Variants in TAF1 observed in about 807,000 individuals in gnomAD.
TAF1 encodes transcription initiation factor TFIID subunit 1.
In TAF1, 2 loss-of-function variants were observed where a neutral mutation model predicts 138.5. The observed-to-expected ratio is 0.01, with a 90% confidence interval of 0.01 to 0.05. TAF1 has a LOEUF of 0.05. Among genes scored for constraint, TAF1 ranks in the 10% least tolerant of loss-of-function variants. The pLI is 1.00. For missense variants in TAF1, 709 were observed against 1,478.0 expected, an observed-to-expected ratio of 0.48 and a Z score of 8.53; for synonymous variants, 437 against 503.2, an observed-to-expected ratio of 0.87 and a Z score of 1.76.
At chrX:71,388,067 T>C (rs2034345899) in intron 15 of TAF1, among the ~76,000 whole-genome samples, 170 bp from the exon 16 acceptor site, 1 of 112,482 alleles carries the variant, frequency 8.9e-6, no homozygotes, top group African/African-American at 3.2e-5. Flanking sequence ...GGCACTGCAC[T>C]CTACTCTGGG....
intron 17 of TAF1, 63 bp downstream of exon 17, chrX:71,388,931 C>T (rs1432617183): frequency 2.7e-6 from 3 of 1,112,473 alleles, no homozygotes; most frequent in South Asian, 4.4e-5. Flanking sequence ...TTTTCTTCCC[C>T]CCAGAGAGAT....
chrX:71,459,591 G>C lies in TAF1; in HGVS notation c.5104G>C (p.Glu1702Gln). ...DGDGDLADEEEGTVQQPQASV... is the reference protein window; with the variant it reads ...DGDGDLADEEQGTVQQPQASV... Reference sequence around the variant, plus strand: ...AGATGGTGATCTTGCAGATGAAGAGGAAGGAACTGTACAACAGCCTCAAGC... The same window carrying C: ...AGATGGTGATCTTGCAGATGAAGAGCAAGGAACTGTACAACAGCCTCAAGC... Residue 1702 changes from glutamate to glutamine, a missense_variant, in exon 36 of 38, where the codon GAA becomes CAA. By Grantham distance (29) the Glu-to-Gln change is conservative. Around this residue, in one of 14 missense-constraint regions of TAF1, gnomAD observed 123 missense variants for 174.7 expected, o/e 0.70. Coordinates refer to ENST00000423759, the MANE Select transcript of TAF1 (RefSeq NM_004606.5). 1 of 1,211,212 alleles carries C rather than the reference G, an allele frequency of 8.3e-7. No homozygotes were observed. Among genetic ancestry groups the C allele is most frequent in the Non-Finnish European group, 1.1e-6 (1 of 895,373 alleles).
chrX:71,396,535 T>A lies in TAF1; in HGVS notation c.3407-718T>A, dbSNP rs1248308513. ...TCAAACTCCTGGGCTCAAGTGATCC[T>A]CCCACCTTAGCCTCCCCAAATGCTG... On this transcript the variant is annotated intron_variant, in intron 22 of 37. Coordinates refer to ENST00000423759, the MANE Select transcript of TAF1 (RefSeq NM_004606.5). Among the ~76,000 whole-genome samples the A allele has an allele frequency of 3.6e-5, 4 of 110,157 alleles. No individual in the cohort carries two copies. The East Asian group carries it at 1.2e-3, about 32-fold the overall frequency.
intron 13 of TAF1, 110 bp downstream of exon 13, chrX:71,384,245 G>A: frequency 1.1e-6 from 1 of 880,589 alleles, no homozygotes; most frequent in Non-Finnish European, 1.6e-6. Flanking sequence ...GAGACAAACT[G>A]CAAACTTACA....
chrX:71,510,915 C>A (rs1249981369), intron 13 of TAF1, among the ~76,000 whole-genome samples: 1 of 110,756 alleles, frequency 9.0e-6, no homozygotes, highest in Non-Finnish European at 1.9e-5. Flanking sequence ...ACCAGCCTGA[C>A]CAACATGGAG....
intron 13 of TAF1, among the ~76,000 whole-genome samples, chrX:71,524,597 C>G (rs1472146899): frequency 9.2e-6 from 1 of 108,180 alleles, no homozygotes; most frequent in Non-Finnish European, 1.9e-5. Flanking sequence ...GTAGTCCCAG[C>G]TACTTGGGAG....
At chrX:71,427,820 TCC>T (rs947772306) in intron 32 of TAF1, among the ~76,000 whole-genome samples, 1 of 105,789 alleles carries the variant, frequency 9.5e-6, no homozygotes, top group African/African-American at 3.4e-5. Flanking sequence ...GTGCCTGTAA[TCC>T]CAGCTACTCA....
At chrX:71,503,328 GTATATA>G (rs758040656) in intron 13 of TAF1, among the ~76,000 whole-genome samples, 1 of 88,814 alleles carries the variant, frequency 1.1e-5, no homozygotes, top group East Asian at 3.2e-4. Flanking sequence ...ATATGTGTGT[GTATATA>G]TATATATATG....
chrX:71,507,163 C>T (rs190281166), intron 13 of TAF1, among the ~76,000 whole-genome samples: 14 of 111,738 alleles, frequency 1.3e-4, no homozygotes, highest in African/African-American at 3.6e-4. Context: ...TATTATACAA[C>T]TTCATGAATA....
intron 32 of TAF1, among the ~76,000 whole-genome samples, chrX:71,428,394 T>A (rs768847795): frequency 8.9e-6 from 1 of 111,801 alleles, no homozygotes; most frequent in African/African-American, 3.2e-5. Context: ...TAAAATAAAT[T>A]GTTGAGTGAA....
intron 35 of TAF1, 72 bp from the exon 36 acceptor site, chrX:71,459,480 T>C (rs914631048): frequency 5.0e-4 from 579 of 1,157,139 alleles, no homozygotes; most frequent in Non-Finnish European, 5.5e-4. Context: ...AGGGGGGGTG[T>C]GCCTGGTGGT....
intron 8 of TAF1, among the ~76,000 whole-genome samples, chrX:71,379,734 C>T (rs776501704): frequency 1.8e-5 from 2 of 108,402 alleles, no homozygotes; most frequent in Non-Finnish European, 1.9e-5. Context: ...TCCCGGGTAG[C>T]TGGGATTACA....
Position 71,460,581 on chromosome X carries a change from G to A in TAF1, c.5222-45G>A, listed in dbSNP as rs184177710. ...TCAAGCCAAAGATCAAGTTAAATCT[G>A]TCAAGCTTAACTCTTGATGACCCAG... On this transcript the variant is annotated intron_variant, in intron 36 of 37. Coordinates refer to ENST00000423759, the MANE Select transcript of TAF1 (RefSeq NM_004606.5). 6 of 1,189,084 alleles carry A rather than the reference G, an allele frequency of 5.0e-6. No homozygotes were observed. The East Asian group carries it at 1.5e-4, about 29-fold the overall frequency.
At chrX:71,477,831 T>G (rs1426916391) in intron 13 of TAF1, among the ~76,000 whole-genome samples, 4 of 106,196 alleles carry the variant, frequency 3.8e-5, no homozygotes, top group Admixed American at 1.0e-4. Flanking sequence ...CCATCTCTAC[T>G]AAAAATACAA....
intron 13 of TAF1, among the ~76,000 whole-genome samples, chrX:71,495,021 A>G (rs147660333): frequency 0.02 from 2,214 of 111,838 alleles, 17 homozygotes; most frequent in African/African-American, 0.034. Flanking sequence ...ACAATCCTCT[A>G]GCTAGACAGA....
chrX:71,520,269 G>A (rs1360431725), intron 13 of TAF1, among the ~76,000 whole-genome samples: 3 of 107,988 alleles, frequency 2.8e-5, no homozygotes, highest in Non-Finnish European at 3.8e-5. Flanking sequence ...TCAGCCTCCC[G>A]AGTAGCTGGA....
chrX:71,377,927 G>A (rs2033600059), intron 6 of TAF1, 106 bp downstream of exon 6: 1 of 918,387 alleles, frequency 1.1e-6, no homozygotes, highest in African/African-American at 2.0e-5. Context: ...ATAGCAGATA[G>A]AATCTGTGCT....
intron 18 of TAF1, 183 bp downstream of exon 18, chrX:71,389,848 ATGGG>A: frequency 2.9e-6 from 1 of 343,236 alleles, no homozygotes; most frequent in Non-Finnish European, 4.9e-6. Flanking sequence ...TTTATATGAT[ATGGG>A]TTTGTTTTTT....
chrX:71,428,709 C>T (rs1378682542), intron 32 of TAF1, among the ~76,000 whole-genome samples: 2 of 111,907 alleles, frequency 1.8e-5, no homozygotes, highest in African/African-American at 6.5e-5. Flanking sequence ...ATAGTGCCAT[C>T]TGTATAATTA....
Sources: allele counts gnomAD v4.1 joint callset (sites outside exome capture counted in the v4.1 genomes callset), GRCh38; gene constraint gnomAD v4.1.1; regional missense constraint gnomAD v4.1.1; transcripts MANE v1.5; gene names NCBI Gene and HGNC (gene_info 2026-07-23, HGNC 2026-07-21).